MED20: variants seen among roughly 807,000 people sequenced by gnomAD.
MED20 encodes the protein mediator of RNA polymerase II transcription subunit 20.
MED20 carries 19 observed loss-of-function variants against 19.7 expected under a neutral mutation model. The ratio of observed to expected loss-of-function variants is 0.96; its 90% CI spans 0.67 to 1.42. The LOEUF (loss-of-function observed/expected upper bound fraction) is 1.42, where lower values mean the gene tolerates loss of function less well. Among genes scored for constraint, MED20 ranks in the 40% most tolerant of loss-of-function variants. The probability of loss-of-function intolerance (pLI) is 0.00; values close to 1 mark genes in which losing one functional copy is unlikely to be tolerated. For missense variants in MED20, 225 were observed against 273.0 expected (o/e 0.82, Z 1.24); for synonymous variants, 105 against 104.8 (o/e 1.00, Z -0.01).
At chr6:41,917,228 C>T (rs796845370) in intron 1 of MED20, among the ~76,000 whole-genome samples, 2 of 152,076 alleles carry the variant, frequency 1.3e-5, no homozygotes, top group African/African-American at 4.8e-5. Context: ...GGTGAAACCC[C>T]GTCTCTACTA....
intron 2 of MED20, among the ~76,000 whole-genome samples, chr6:41,916,408 C>T (rs1025480309): frequency 2.0e-5 from 3 of 151,982 alleles, no homozygotes; most frequent in Non-Finnish European, 4.4e-5. Flanking sequence ...AGAGAAACCC[C>T]ATATCTACCA....
At chr6:41,911,836 T>C (rs1775202376) in intron 2 of MED20, among the ~76,000 whole-genome samples, 1 of 152,024 alleles carries the variant, frequency 6.6e-6, no homozygotes, top group Admixed American at 6.6e-5. Context: ...TAAATCCAGT[T>C]CCAAACTTCT....
intron 1 of MED20, chr6:41,917,700 C>T (rs139351750): frequency 1.6e-4 from 75 of 461,268 alleles, no homozygotes; most frequent in African/African-American, 1.4e-3. Context: ...TTCAATAATG[C>T]TGAGTCATAT....
chr6:41,914,100 A>C (rs938859387), intron 2 of MED20, among the ~76,000 whole-genome samples: 12 of 152,222 alleles, frequency 7.9e-5, no homozygotes, highest in Non-Finnish European at 1.6e-4. Context: ...GGTTGGAAGA[A>C]AGGCAAAACC....
At chr6:41,909,049 G>C in intron 3 of MED20, 1 of 588,050 alleles carries the variant, frequency 1.7e-6, no homozygotes, top group Non-Finnish European at 2.9e-6. Context: ...AATTCGGTGG[G>C]TGTAGTCCCA....
At position 41,906,904 on chromosome 6, in the gene MED20, T is replaced by C; in HGVS notation, c.*168A>G. 1.6e-6 allele frequency: 1 copy of C among 609,590 alleles called. No homozygotes were observed. 37.8% of individuals were successfully genotyped at this position (609,590 alleles called of 1,614,324 possible). ...GGGGCTATGTGTGAGAGTCAGGGGG[T>C]TGGGGAGGGGACTCAGCCCCAGAAC... On this transcript the variant is annotated 3_prime_UTR_variant, in exon 4 of 4. Coordinates refer to ENST00000265350, the MANE Select transcript of MED20 (RefSeq NM_004275.5).
Position 41,906,982 on chromosome 6 carries a change from G to A in MED20, c.*90C>T. 8.5e-7 allele frequency: 1 copy of A among 1,177,184 alleles called. No homozygotes were observed. The highest frequency in any genetic ancestry group is 1.2e-6 in the Non-Finnish European group (1 of 810,782). The allele number at this position is 1,177,184 out of a possible 1,614,324, so 72.9% of individuals were successfully genotyped here. On this transcript the variant is annotated 3_prime_UTR_variant, in exon 4 of 4. Transcript: ENST00000265350. ...GAGAGTAGAGTCCATGTCTACCCTG[G>A]GTTTCTGGGGTCCAGGGACCTGAAA... is the stretch of plus-strand genomic sequence containing the variant.
intron 2 of MED20, among the ~76,000 whole-genome samples, chr6:41,914,838 C>A (rs1305831842): frequency 1.3e-5 from 2 of 152,090 alleles, no homozygotes; most frequent in African/African-American, 2.4e-5. Context: ...GAGGTCAAGG[C>A]CAATGGTTAG....
At chr6:41,909,752 G>C (rs1178840181) in intron 2 of MED20, among the ~76,000 whole-genome samples, 1 of 152,214 alleles carries the variant, frequency 6.6e-6, no homozygotes, top group Non-Finnish European at 1.5e-5. Flanking sequence ...ACAGAAAACA[G>C]TGAGGGGCAC....
At chr6:41,917,502 A>C (rs1051791159) in intron 1 of MED20, 1 of 253,114 alleles carries the variant, frequency 4.0e-6, no homozygotes, top group Non-Finnish European at 8.2e-6. Context: ...ATCAATTAAG[A>C]TAACTCATTA....
rs534207954 is a variant in MED20 at position 41,921,082 on chromosome 6, A to G, written c.-64T>C. 8.1e-5 allele frequency: 130 copies of G among 1,600,196 alleles called. No individual in the cohort carries two copies. The East Asian group carries it at 1.6e-3, about 20-fold the overall frequency. ...AACGCAGGGTTCCCTGTCCGCCCAC[A>G]GAAACTCCTTCAGTTCCCCAACACA... On this transcript the variant is annotated 5_prime_UTR_variant, in exon 1 of 4. Coordinates refer to ENST00000265350, the MANE Select transcript of MED20 (RefSeq NM_004275.5).
intron 1 of MED20, among the ~76,000 whole-genome samples, chr6:41,918,565 G>A (rs1357195640): frequency 6.6e-6 from 1 of 151,780 alleles, no homozygotes; most frequent in African/African-American, 2.4e-5. Context: ...TGTAATCCCA[G>A]CACTTTGGGA....
At chr6:41,918,358 G>A (rs189737397) in intron 1 of MED20, among the ~76,000 whole-genome samples, 116 of 152,016 alleles carry the variant, frequency 7.6e-4, no homozygotes, top group African/African-American at 2.7e-3. Flanking sequence ...ACAAAACTTA[G>A]CCAGGCATGG....
Position 41,907,091 on chromosome 6 carries a change from G to C in MED20, c.620C>G (p.Pro207Arg). 6.2e-7 allele frequency: 1 copy of C among 1,613,690 alleles called. No individual in the cohort carries two copies. The highest frequency in any genetic ancestry group is 8.5e-7 in the Non-Finnish European group (1 of 1,179,962). ...FNKIRKQQQV[P>R]VAGIR The stretch of plus-strand genomic sequence containing the variant: ...TCATCACTAACGAATCCCAGCCACC[G>C]GCACCTGCTGCTGCTTGCGGATCTT... The change falls in exon 4 of 4, where the codon CCG becomes CGG. Residue 207 changes from proline to arginine, a missense_variant. Physicochemically the swap from Pro to Arg is moderately radical, Grantham distance 103. Coordinates refer to ENST00000265350, the MANE Select transcript of MED20 (RefSeq NM_004275.5).
intron 3 of MED20, among the ~76,000 whole-genome samples, chr6:41,907,743 C>A (rs1415105868): frequency 2.0e-5 from 3 of 152,036 alleles, no homozygotes; most frequent in South Asian, 2.1e-4. Context: ...TAAGTAGAAC[C>A]AACCTGGGTT....
At chr6:41,912,432 C>T (rs994056432) in intron 2 of MED20, among the ~76,000 whole-genome samples, 31 of 145,788 alleles carry the variant, frequency 2.1e-4, no homozygotes, top group African/African-American at 7.7e-4. Flanking sequence ...TCTGGGCTCA[C>T]TGCAGCCTCT....
chr6:41,916,776 C>G lies in MED20; in HGVS notation c.169+9G>C. On this transcript the variant is annotated intron_variant, in intron 2 of 3. Coordinates refer to ENST00000265350, the MANE Select transcript of MED20 (RefSeq NM_004275.5). The stretch of plus-strand genomic sequence containing the variant: ...GGTTCCAGCCATCCTACAGACCCAT[C>G]TCACTGACCTTGGCTGCCAAGGGTA... 6.2e-7 allele frequency: 1 copy of G among 1,613,918 alleles called. No individual in the cohort carries two copies. The highest frequency in any genetic ancestry group is 8.5e-7 in the Non-Finnish European group (1 of 1,179,850).
chr6:41,910,632 C>CAAAA (rs34810607), intron 2 of MED20, among the ~76,000 whole-genome samples: 1 of 128,486 alleles, frequency 7.8e-6, no homozygotes, highest in Non-Finnish European at 1.6e-5. Flanking sequence ...ACTCTATCTC[C>CAAAA]AAAAAAAAAA....
At chr6:41,914,478 C>T (rs1775267111) in intron 2 of MED20, among the ~76,000 whole-genome samples, 1 of 152,162 alleles carries the variant, frequency 6.6e-6, no homozygotes, top group Admixed American at 6.6e-5. Context: ...GAGTTACCTA[C>T]AGGTACACAG....
Sources: allele counts gnomAD v4.1 joint callset (sites outside exome capture counted in the v4.1 genomes callset), GRCh38; gene constraint gnomAD v4.1.1; transcripts MANE v1.5; gene names NCBI Gene and HGNC (gene_info 2026-07-23, HGNC 2026-07-21).